Variants in SLC7A11 observed in about 807,000 individuals in gnomAD.
The protein encoded by SLC7A11 is solute carrier family 7 member 11, also known as cystine/glutamate transporter.
SLC7A11 carries 35 observed loss-of-function variants against 54.5 expected under a neutral mutation model. The observed-to-expected ratio is 0.64, with a 90% confidence interval of 0.49 to 0.85. SLC7A11 has a LOEUF of 0.85. Among genes scored for constraint, SLC7A11 ranks in the 40% least tolerant of loss-of-function variants. The pLI, the probability that SLC7A11 is intolerant of heterozygous loss-of-function variation, is 0.00. For missense variants in SLC7A11, 583 were observed against 618.1 expected (o/e 0.94, Z 0.60); for synonymous variants, 230 against 225.2 (o/e 1.02, Z -0.19).
Position 138,166,606 on chromosome 4 carries a change from C to T in SLC7A11, c.*5350G>A, listed in dbSNP as rs186005275. 12 of 152,694 alleles carry T rather than the reference C, an allele frequency of 7.9e-5. No homozygotes were observed. Among genetic ancestry groups the T allele is most frequent in the Admixed American group, 2.0e-4 (3 of 15,282 alleles). The allele number at this position is 152,694 out of a possible 1,614,324, so 9.5% of individuals were successfully genotyped here. Reference sequence around the variant, plus strand: ...TGTTCACTCTGGAACAAAGTTGGCCCTCTATGGCTCTCAGATGCCTAATGC... The same window carrying T: ...TGTTCACTCTGGAACAAAGTTGGCCTTCTATGGCTCTCAGATGCCTAATGC... On this transcript the variant is annotated 3_prime_UTR_variant, in exon 12 of 12. Transcript: ENST00000280612.
At chr4:138,216,812 AG>A (rs1337461535) in intron 5 of SLC7A11, among the ~76,000 whole-genome samples, 1 of 152,150 alleles carries the variant, frequency 6.6e-6, no homozygotes, top group Non-Finnish European at 1.5e-5. Flanking sequence ...CCCTTTTATT[AG>A]GGGGGTATCA....
intron 1 of SLC7A11, among the ~76,000 whole-genome samples, chr4:138,236,983 C>CTT (rs34896335): frequency 0.016 from 1,837 of 111,912 alleles, 50 homozygotes; most frequent in African/African-American, 0.018. Context: ...TGCAAGATTT[C>CTT]TTTTTTTTTT....
In SLC7A11 at chr4:138,229,637, A is replaced by G. The variant is rs75782339; in HGVS notation, c.520+2630T>C. Among the ~76,000 whole-genome samples, 415 of 152,348 alleles carry G rather than the reference A, an allele frequency of 2.7e-3. 4 individuals are homozygous for G. The East Asian group carries it at 0.04, about 15-fold the overall frequency. On this transcript the variant is annotated intron_variant, in intron 3 of 11. Coordinates refer to ENST00000280612, the MANE Select transcript of SLC7A11 (RefSeq NM_014331.4). ...AACCCCAATATGGTTATCCTTTCCT[A>G]GAACTGTTTTAAAGTTTAGTTTGAG...
intron 1 of SLC7A11, among the ~76,000 whole-genome samples, chr4:138,240,182 ACTCT>A (rs1025517757): frequency 5.3e-5 from 8 of 152,048 alleles, no homozygotes; most frequent in Admixed American, 5.2e-4. Context: ...AATACCACAA[ACTCT>A]CTCTAAAAAC....
chr4:138,192,413 G>A (rs563472301), intron 6 of SLC7A11, among the ~76,000 whole-genome samples: 1 of 152,274 alleles, frequency 6.6e-6, no homozygotes, highest in East Asian at 1.9e-4. Context: ...ACGGGTCACA[G>A]AATAAACGTG....
At chr4:138,208,884 T>C (rs1184775845) in intron 6 of SLC7A11, among the ~76,000 whole-genome samples, 1 of 152,058 alleles carries the variant, frequency 6.6e-6, no homozygotes, top group Non-Finnish European at 1.5e-5. Context: ...GAAGAAAACA[T>C]TGTAAGAAAG....
intron 6 of SLC7A11, among the ~76,000 whole-genome samples, chr4:138,212,535 C>T (rs1437519462): frequency 6.6e-6 from 1 of 150,692 alleles, no homozygotes; most frequent in Non-Finnish European, 1.5e-5. Flanking sequence ...ATCAATACAT[C>T]ACCATCACTG....
In SLC7A11 at chr4:138,241,774, G is replaced by C. The variant is rs759194928; in HGVS notation, c.277+19C>G. On this transcript the variant is annotated intron_variant, in intron 1 of 11. Transcript: ENST00000280612. ...CAGCCCCACAGCCACGCCCCCACGA[G>C]AGAAAAAGTCGCACTCACCAAATAG... 3.2e-6 allele frequency: 5 copies of C among 1,583,404 alleles called. No individual in the cohort carries two copies. The East Asian group carries it at 1.1e-4, about 36-fold the overall frequency.
rs113451557 is a variant in SLC7A11, at chr4:138,232,384, TAA to T, written c.405-4_405-3del. 5 of 1,518,474 alleles carry T rather than the reference TAA, an allele frequency of 3.3e-6. No homozygotes were observed. The highest frequency in any genetic ancestry group is 4.5e-6 in the Non-Finnish European group (5 of 1,105,202). 94.1% of individuals were successfully genotyped at this position (1,518,474 alleles called of 1,614,324 possible). On this transcript the variant is annotated splice_region_variant and splice_polypyrimidine_tract_variant and intron_variant, in intron 2 of 11. Transcript: ENST00000280612. ...GATATCACAGCAGTAGCTGCAGGGC[TAA>T]AAAAAAATGTATATATTTAGGTTAA...
rs1738290231 is a variant in SLC7A11, at chr4:138,238,299, GCAC to G, written c.278-1851_278-1849del. On this transcript the variant is annotated intron_variant, in intron 1 of 11. Coordinates refer to ENST00000280612, the MANE Select transcript of SLC7A11 (RefSeq NM_014331.4). Reference sequence around the variant, plus strand: ...CAGTACATGGCCTGACACATGGCAAGCACCACATGAAATATAGCTATACTTATT... The same window carrying G: ...CAGTACATGGCCTGACACATGGCAAGCACATGAAATATAGCTATACTTATT... 2.0e-5 allele frequency among the ~76,000 whole-genome samples: 3 copies of G among 152,122 alleles called. No individual in the cohort carries two copies. The South Asian group carries it at 6.2e-4, about 32-fold the overall frequency.
chr4:138,214,482 T>C, intron 6 of SLC7A11, 103 bp downstream of exon 6: 2 of 563,140 alleles, frequency 3.6e-6, no homozygotes, highest in South Asian at 2.5e-5. Flanking sequence ...GATGTTAAGG[T>C]TGACTAGCCC....
chr4:138,235,108 T>C (rs1738174475), intron 2 of SLC7A11, among the ~76,000 whole-genome samples: 3 of 152,144 alleles, frequency 2.0e-5, no homozygotes, highest in South Asian at 2.1e-4. Flanking sequence ...GGTATCATGC[T>C]CAATGCCAAA....
At position 138,180,756 on chromosome 4, in the gene SLC7A11, T is replaced by A; in HGVS notation, c.1151A>T (p.Asp384Val). The A allele has an allele frequency of 6.2e-7, 1 of 1,612,554 alleles. No individual in the cohort carries two copies. Reference sequence around the variant, plus strand: ...GAGGAAATTCAAAAGACTGTCGAGGTCTCCAGAGAAGAGCATTATCATTGT... The same window carrying A: ...GAGGAAATTCAAAAGACTGTCGAGGACTCCAGAGAAGAGCATTATCATTGT... Reference protein sequence around the residue: ...PLTMIMLFSGDLDSLLNFLSF... With the variant: ...PLTMIMLFSGVLDSLLNFLSF... Residue 384 changes from aspartate (D) to valine (V), a missense_variant, in exon 10 of 12, where the codon GAC becomes GTC. By Grantham distance (152) the Asp-to-Val change is radical. Coordinates refer to ENST00000280612, the MANE Select transcript of SLC7A11 (RefSeq NM_014331.4).
chr4:138,181,799 A>C (rs542424951), intron 9 of SLC7A11, among the ~76,000 whole-genome samples: 1 of 152,248 alleles, frequency 6.6e-6, no homozygotes, highest in East Asian at 1.9e-4. Context: ...TTTTATTTTT[A>C]TCCTGCAGGA....
chr4:138,217,702 G>A (rs533839853), intron 5 of SLC7A11, among the ~76,000 whole-genome samples: 4 of 152,258 alleles, frequency 2.6e-5, no homozygotes, highest in African/African-American at 9.6e-5. Flanking sequence ...CATATTGCCC[G>A]GCTCCCAACA....
intron 2 of SLC7A11, among the ~76,000 whole-genome samples, chr4:138,235,169 C>G (rs762089623): frequency 6.6e-6 from 1 of 151,724 alleles, no homozygotes; most frequent in African/African-American, 2.4e-5. Context: ...AAAGAAATAA[C>G]ATAAATTAGA....
chr4:138,201,276 C>T (rs1737279920), intron 6 of SLC7A11, among the ~76,000 whole-genome samples: 1 of 151,918 alleles, frequency 6.6e-6, no homozygotes. Context: ...AAAACAGTGG[C>T]CTTTGTATTT....
At chr4:138,211,396 C>T (rs1386655337) in intron 6 of SLC7A11, among the ~76,000 whole-genome samples, 1 of 151,640 alleles carries the variant, frequency 6.6e-6, no homozygotes, top group Non-Finnish European at 1.5e-5. Flanking sequence ...AATTCAGGGG[C>T]CACACATGTA....
At chr4:138,228,529 C>T (rs1341988608) in intron 3 of SLC7A11, among the ~76,000 whole-genome samples, 3 of 151,770 alleles carry the variant, frequency 2.0e-5, no homozygotes, top group South Asian at 2.1e-4. Context: ...GAGGCCGAGG[C>T]GGGCGGCTCA....
Sources: allele counts gnomAD v4.1 joint callset (sites outside exome capture counted in the v4.1 genomes callset), GRCh38; gene constraint gnomAD v4.1.1; transcripts MANE v1.5; gene names NCBI Gene and HGNC (gene_info 2026-07-23, HGNC 2026-07-21).